The following RAB27A variants were observed in gnomAD, a reference collection of about 807,000 sequenced individuals.
The protein encoded by RAB27A is RAB27A, member RAS oncogene family.
Under a neutral mutation model 20.8 loss-of-function variants are expected in RAB27A, and 17 were observed. That is an observed-to-expected ratio of 0.82 (90% confidence interval 0.56 to 1.23). RAB27A has a LOEUF of 1.23. Among genes scored for constraint, RAB27A ranks in the 50% most tolerant of loss-of-function variants. The pLI, the probability that RAB27A is intolerant of heterozygous loss-of-function variation, is 0.00. For synonymous variants in RAB27A, 85 were observed against 92.8 expected (o/e 0.92, Z 0.48); for missense variants, 277 against 266.7 (o/e 1.04, Z -0.27).
chr15:55,304,982 C>A (rs933836328), intron 2 of RAB27A, among the ~76,000 whole-genome samples: 5 of 152,132 alleles, frequency 3.3e-5, no homozygotes, highest in African/African-American at 1.2e-4. Flanking sequence ...GAGTTTATAT[C>A]CCAATCATTG....
intron 2 of RAB27A, among the ~76,000 whole-genome samples, chr15:55,300,055 C>G (rs968998801): frequency 6.6e-6 from 1 of 151,898 alleles, no homozygotes; most frequent in Non-Finnish European, 1.5e-5. Flanking sequence ...CTCCTGACCC[C>G]GTAATCCGCC....
chr15:55,281,622 G>A (rs541216237), intron 1 of RAB27A, among the ~76,000 whole-genome samples: 48 of 152,076 alleles, frequency 3.2e-4, no homozygotes, highest in African/African-American at 1.1e-3. Context: ...TGAAGCAGGA[G>A]GATCCACTTG....
At chr15:55,311,359 TG>T (rs2141146511) in intron 2 of RAB27A, among the ~76,000 whole-genome samples, 1 of 152,322 alleles carries the variant, frequency 6.6e-6, no homozygotes, top group African/African-American at 2.4e-5. Context: ...GCACTCTGGC[TG>T]GGCCGAATTC....
intron 2 of RAB27A, chr15:55,269,731 ACT>A (rs1324287729): frequency 4.6e-5 from 7 of 152,182 alleles, no homozygotes; most frequent in Non-Finnish European, 8.8e-5. Context: ...ACAGAGCAAG[ACT>A]CTGTCTCAAA....
chr15:55,203,594 T>C lies in RAB27A; in HGVS notation c.*1913A>G, dbSNP rs1317407909. On this transcript the variant is annotated 3_prime_UTR_variant, in exon 7 of 7. Coordinates refer to ENST00000336787, the MANE Select transcript of RAB27A (RefSeq NM_183235.3). ...CACGCCCAGCCCATTTTTTTTTTTT[T>C]TTTTTTTTTAGTAGAGATGGGGTTT... The C allele has an allele frequency of 6.7e-6, 1 of 150,038 alleles. No homozygotes were observed. The highest frequency in any genetic ancestry group is 2.1e-4 in the South Asian group (1 of 4,706). The allele number at this position is 150,038 out of a possible 1,614,324, so 9.3% of individuals were successfully genotyped here. A position where few individuals can be genotyped will look rare whatever the true frequency, so the allele number is the denominator to read the frequency against.
intron 1 of RAB27A, chr15:55,317,999 C>A: frequency 3.1e-6 from 1 of 326,676 alleles, no homozygotes; most frequent in Non-Finnish European, 5.5e-6. Flanking sequence ...AATATAAATA[C>A]ATAAGGAGTA....
intron 2 of RAB27A, among the ~76,000 whole-genome samples, chr15:55,256,678 G>A (rs1417997065): frequency 6.6e-6 from 1 of 152,148 alleles, no homozygotes; most frequent in Non-Finnish European, 1.5e-5. Flanking sequence ...ATGCTTATGA[G>A]GTAATGTGAC....
intron 2 of RAB27A, among the ~76,000 whole-genome samples, chr15:55,258,625 A>G (rs1000441904): frequency 6.6e-6 from 1 of 152,220 alleles, no homozygotes; most frequent in Non-Finnish European, 1.5e-5. Context: ...TTGCTGTCCA[A>G]TATAGTTGTT....
At chr15:55,224,599 A>C (rs1331014275) in intron 5 of RAB27A, among the ~76,000 whole-genome samples, 2 of 152,226 alleles carry the variant, frequency 1.3e-5, no homozygotes, top group African/African-American at 4.8e-5. Context: ...ACCAGAGCCA[A>C]GTGGAAGCAG....
intron 1 of RAB27A, among the ~76,000 whole-genome samples, chr15:55,274,911 G>T (rs1022990748): frequency 1.4e-5 from 2 of 147,418 alleles, no homozygotes; most frequent in Admixed American, 1.4e-4. Flanking sequence ...GAAATAAGAG[G>T]TGTTACAACT....
At chr15:55,281,821 T>C (rs531826332) in intron 1 of RAB27A, among the ~76,000 whole-genome samples, 1 of 152,020 alleles carries the variant, frequency 6.6e-6, no homozygotes, top group Non-Finnish European at 1.5e-5. Context: ...CAGGTACATA[T>C]TTGGATCTTA....
intron 2 of RAB27A, among the ~76,000 whole-genome samples, chr15:55,310,865 C>T (rs1400854482): frequency 2.0e-5 from 3 of 152,178 alleles, no homozygotes; most frequent in Non-Finnish European, 4.4e-5. Context: ...GAGAGGTATG[C>T]TTCCTCAATG....
chr15:55,302,362 T>C (rs927317287), intron 2 of RAB27A, among the ~76,000 whole-genome samples: 4 of 152,010 alleles, frequency 2.6e-5, no homozygotes, highest in South Asian at 2.1e-4. Flanking sequence ...AGACGGAGTC[T>C]CGTTCACTCA....
rs1415552746 is a variant in RAB27A, at chr15:55,204,780, C to T, written c.*727G>A. ...TTCCCTGACCCTTCAATCAACCATT[C>T]AGAGCAATGGGAATATAGCGGGGAG... is the stretch of plus-strand genomic sequence containing the variant. On this transcript the variant is annotated 3_prime_UTR_variant, in exon 7 of 7. Transcript: ENST00000336787. The T allele has an allele frequency of 2.0e-5, 3 of 152,580 alleles. No homozygotes were observed. The highest frequency in any genetic ancestry group is 4.4e-5 in the Non-Finnish European group (3 of 68,376). The allele number at this position is 152,580 out of a possible 1,614,324, so 9.5% of individuals were successfully genotyped here. A position where few individuals can be genotyped will look rare whatever the true frequency, so the allele number is the denominator to read the frequency against.
upstream of RAB27A, among the ~76,000 whole-genome samples, chr15:55,291,390 G>T (rs765048459): frequency 2.6e-4 from 39 of 151,842 alleles, no homozygotes; most frequent in Non-Finnish European, 4.3e-4. Flanking sequence ...CGCGCCTGTA[G>T]TCTCAGCTAC....
intron 2 of RAB27A, among the ~76,000 whole-genome samples, chr15:55,254,801 G>T: frequency 6.6e-6 from 1 of 152,222 alleles, no homozygotes; most frequent in East Asian, 1.9e-4. Context: ...GAACTCGGGA[G>T]CAGCCCAAAC....
chr15:55,257,569 G>T (rs1897124991), intron 2 of RAB27A, among the ~76,000 whole-genome samples: 1 of 152,214 alleles, frequency 6.6e-6, no homozygotes, highest in African/African-American at 2.4e-5. Flanking sequence ...AAAAGGAAAT[G>T]TCAGGGAAGA....
intron 2 of RAB27A, among the ~76,000 whole-genome samples, chr15:55,240,450 A>G (rs1896434758): frequency 6.6e-6 from 1 of 152,166 alleles, no homozygotes; most frequent in Admixed American, 6.6e-5. Context: ...TAGCACAACA[A>G]TCCTCATCAC....
chr15:55,290,165 C>T (rs1898273023), upstream of RAB27A: 1 of 152,236 alleles, frequency 6.6e-6, no homozygotes, highest in Non-Finnish European at 1.5e-5. Flanking sequence ...ATTCACCTCC[C>T]CAAAAAGCCA....
Sources: gnomAD v4.1 joint callset for allele counts (sites outside exome capture counted in the v4.1 genomes callset) on GRCh38, gnomAD v4.1.1 for gene constraint, MANE v1.5 for transcripts, NCBI Gene and HGNC (gene_info 2026-07-23, HGNC 2026-07-21) for gene names.